The following CDH23 variants were observed in gnomAD, a reference collection of about 807,000 sequenced individuals.
CDH23 encodes the protein cadherin related 23.
A neutral mutation model predicts 317.1 loss-of-function variants in CDH23; 189 were observed. The observed-to-expected ratio is 0.60, with a 90% CI of 0.53 to 0.67. The LOEUF is 0.67. Ranked by LOEUF, CDH23 falls within the 30% of genes least tolerant of loss-of-function variation. The probability of loss-of-function intolerance (pLI) is 0.00; values close to 1 mark genes in which losing one functional copy is unlikely to be tolerated. For missense variants in CDH23, 4,401 were observed against 4,592.4 expected (o/e 0.96, Z 1.20); for synonymous variants, 1,839 against 1,876.8 (o/e 0.98, Z 0.52).
rs909705325 is a variant in CDH23 at position 71,645,930 on chromosome 10, C to T, written c.1240C>T (p.Arg414Trp). ...SVQGKADIRI[R>W]VAIPLDYETV... ...CCAGGGGAAGGCGGACATTCGTATT[C>T]GGGTGGCCATCCCACTGGACTACGA... The change falls in exon 13 of 70, where the codon CGG becomes TGG. Residue 414 changes from arginine to tryptophan, a missense_variant. This residue lies in a region of CDH23 where 3,068 missense variants were observed against 3,203.3 expected (regional missense o/e 0.96). Coordinates refer to ENST00000224721, the MANE Select transcript of CDH23 (RefSeq NM_022124.6). The T allele has an allele frequency of 6.2e-6, 10 of 1,613,492 alleles. No individual in the cohort carries two copies. Among genetic ancestry groups the T allele is most frequent in the Middle Eastern group, 1.6e-4 (1 of 6,084 alleles).
rs373046094 is a variant in CDH23 at position 71,777,781 on chromosome 10, G to A, written c.4947G>A (p.Thr1649=). ...TGCTGCTGGATGAGGGCCCAGACAC[G>A]CTCAACACCAGCCTCATCACCATCC... ...YEVLLDEGPD[T]LNTSLITIQA... is the part of the protein sequence containing the mutation. Residue 1649 remains threonine, a synonymous_variant, in exon 39 of 70, where the codon ACG becomes ACA. Transcript: ENST00000224721. The A allele has an allele frequency of 6.8e-4, 1,096 of 1,613,832 alleles. 1 individual carries two copies. Among genetic ancestry groups the A allele is most frequent in the Non-Finnish European group, 7.8e-4 (920 of 1,179,842 alleles).
At chr10:71,468,222 A>G (rs778502927) in intron 3 of CDH23, among the ~76,000 whole-genome samples, 1 of 152,208 alleles carries the variant, frequency 6.6e-6, no homozygotes, top group Non-Finnish European at 1.5e-5. Context: ...AGGAAAGAGT[A>G]TGAAAAGACA....
At chr10:71,652,055 C>T (rs75852488) in intron 14 of CDH23, among the ~76,000 whole-genome samples, 152 of 152,352 alleles carry the variant, frequency 1.0e-3, no homozygotes, top group African/African-American at 3.6e-3. Context: ...TCAGACAAGA[C>T]AGGCTTCTTC....
In CDH23 at chr10:71,413,593, AC is replaced by A. The variant is rs1230666141; in HGVS notation, c.-6+16276del. Reference sequence around the variant, plus strand: ...GGCAGTAGTGTATCTGAACAATAGTACTATCTTAACAATATTAAATATGGTA... The same window carrying A: ...GGCAGTAGTGTATCTGAACAATAGTATATCTTAACAATATTAAATATGGTA... On this transcript the variant is annotated intron_variant, in intron 1 of 69. Transcript: ENST00000224721. 2.0e-5 allele frequency among the ~76,000 whole-genome samples: 3 copies of A among 152,342 alleles called. No individual in the cohort carries two copies. The East Asian group carries it at 5.8e-4, about 29-fold the overall frequency.
At chr10:71,565,498 G>A (rs772045320) in intron 6 of CDH23, among the ~76,000 whole-genome samples, 4 of 152,308 alleles carry the variant, frequency 2.6e-5, no homozygotes, top group African/African-American at 4.8e-5. Context: ...TTGAGAGCCC[G>A]GGGATTGGGG....
rs111033489 is a variant in CDH23 at position 71,791,278 on chromosome 10, C to T, written c.6196C>T (p.Arg2066Trp). 2.0e-5 allele frequency: 32 copies of T among 1,613,772 alleles called. 1 individual carries two copies. The highest frequency in any genetic ancestry group is 1.1e-4 in the South Asian group (10 of 91,040). ...LITILDDNDN[R>W]PTFSPATLTV... ...CACCATCCTGGATGACAATGACAAC[C>T]GGCCCACCTTTAGCCCTGCCACCCT... The change falls in exon 47 of 70, where the codon CGG becomes TGG. Residue 2066 changes from arginine to tryptophan, a missense_variant. Coordinates refer to ENST00000224721, the MANE Select transcript of CDH23 (RefSeq NM_022124.6).
rs139185899 is a variant in CDH23, at chr10:71,477,719, T to C, written c.145+31324T>C. On this transcript the variant is annotated intron_variant, in intron 3 of 69. Coordinates refer to ENST00000224721, the MANE Select transcript of CDH23 (RefSeq NM_022124.6). ...CTTCTCCCTCTCATCCAACATTCAGTTCGTTGCCTAAGCCAGAGCTTTGTA... is the reference window on the plus strand; with the variant it reads ...CTTCTCCCTCTCATCCAACATTCAGCTCGTTGCCTAAGCCAGAGCTTTGTA... Among the ~76,000 whole-genome samples the C allele has an allele frequency of 3.1e-3, 479 of 152,332 alleles. 4 individuals carry two copies. The highest frequency in any genetic ancestry group is 0.011 in the African/African-American group (453 of 41,570).
intron 30 of CDH23, among the ~76,000 whole-genome samples, chr10:71,730,010 A>G (rs1401408469): frequency 1.3e-5 from 2 of 151,424 alleles, no homozygotes; most frequent in South Asian, 2.1e-4. Flanking sequence ...AATTTTTTGT[A>G]TTTTTAGTAG....
In CDH23 at chr10:71,545,892, AC is replaced by A. The variant is rs539010835; in HGVS notation, c.430-20845del. The stretch of plus-strand genomic sequence containing the variant: ...AGAGGACAGAGTGATTGCAGAGGCC[AC>A]CCCCACCCCCCAGGGAGTGACGGGC... On this transcript the variant is annotated intron_variant, in intron 6 of 69. Coordinates refer to ENST00000224721, the MANE Select transcript of CDH23 (RefSeq NM_022124.6). 1.6e-4 allele frequency among the ~76,000 whole-genome samples: 25 copies of A among 151,976 alleles called. 2 individuals carry two copies. In the South Asian group the frequency reaches 5.0e-3, roughly 30 times the overall value.
In CDH23 at chr10:71,815,212, A is replaced by G. The variant is rs771574298; in HGVS notation, c.9999A>G (p.Lys3333=). 6 of 1,605,184 alleles carry G rather than the reference A, an allele frequency of 3.7e-6. No homozygotes were observed. The African/African-American group carries it at 8.0e-5, about 21-fold the overall frequency. ...GCAACGCCCGCACAGAATCCGCCAA[A>G]TCCACACCCCTGCACAAACTTCGCG... ...FERNARTESA[K]STPLHKLRDV... The change falls in exon 70 of 70, where the codon AAA becomes AAG. Residue 3333 remains lysine (K), a synonymous_variant. Coordinates refer to ENST00000224721, the MANE Select transcript of CDH23 (RefSeq NM_022124.6).
rs1200729122 is a variant in CDH23, at chr10:71,702,207, T to C, written c.2583T>C (p.Thr861=). 1 of 1,613,686 alleles carries C rather than the reference T, an allele frequency of 6.2e-7. No individual in the cohort carries two copies. Among genetic ancestry groups the C allele is most frequent in the Admixed American group, 1.7e-5 (1 of 60,022 alleles). The change falls in exon 23 of 70, where the codon ACT becomes ACC. Residue 861 remains threonine, a synonymous_variant. Coordinates refer to ENST00000224721, the MANE Select transcript of CDH23 (RefSeq NM_022124.6). Reference sequence around the variant, plus strand: ...TGCGCAAAATCGTCGTCTCTGTTACTGACTGTATGGACCCCTCTCGCCCCT... The same window carrying C: ...TGCGCAAAATCGTCGTCTCTGTTACCGACTGTATGGACCCCTCTCGCCCCT... The part of the protein sequence containing the change: ...ELMRKIVVSV[T]DCGRPPLKAT...
At chr10:71,624,881 C>A (rs947041548) in intron 11 of CDH23, among the ~76,000 whole-genome samples, 1 of 152,056 alleles carries the variant, frequency 6.6e-6, no homozygotes, top group African/African-American at 2.4e-5. Context: ...CTCAACCTTG[C>A]ACTTCTTGCA....
At position 71,790,300 on chromosome 10, in the gene CDH23, C is replaced by T. The variant is rs770176407; in HGVS notation, c.5936C>T (p.Thr1979Met). The T allele has an allele frequency of 5.0e-5, 80 of 1,613,692 alleles. 1 individual carries two copies. The highest frequency in any genetic ancestry group is 1.1e-4 in the South Asian group (10 of 91,086). ...CCTTCTGGCCCAGGCACCCCTCTCA[C>T]GGTGCTCAATGGGCCCATCCTGGCC... is the stretch of plus-strand genomic sequence containing the variant. ...MENSPAGTPL[T>M]VLNGPILALD... is the part of the protein sequence containing the mutation. The change falls in exon 46 of 70, where the codon ACG becomes ATG. Residue 1979 changes from threonine to methionine, a missense_variant. Thr to Met is a moderately conservative substitution (Grantham distance 81). Transcript: ENST00000224721.
chr10:71,747,469 C>T (rs1451920089), intron 38 of CDH23: 1 of 152,374 alleles, frequency 6.6e-6, no homozygotes, highest in Non-Finnish European at 1.5e-5. Flanking sequence ...CTTGTATGTG[C>T]TCTAAGCAAG....
intron 1 of CDH23, among the ~76,000 whole-genome samples, chr10:71,419,712 G>C (rs572051615): frequency 1.3e-5 from 2 of 152,018 alleles, no homozygotes; most frequent in Non-Finnish European, 2.9e-5. Context: ...CCATTGTTTT[G>C]GATGCATTTC....
At chr10:71,720,764 T>C (rs928187577) in intron 28 of CDH23, among the ~76,000 whole-genome samples, 6 of 152,202 alleles carry the variant, frequency 3.9e-5, no homozygotes, top group Admixed American at 3.9e-4. Context: ...TCAGGGGTCA[T>C]CTAACTCCTC....
At chr10:71,783,193 C>T (rs577910413) in intron 41 of CDH23, among the ~76,000 whole-genome samples, 1 of 152,346 alleles carries the variant, frequency 6.6e-6, no homozygotes, top group Non-Finnish European at 1.5e-5. Context: ...TCTGCAGGCT[C>T]TCCCAGTTCC....
intron 41 of CDH23, among the ~76,000 whole-genome samples, chr10:71,781,771 G>C (rs1051227055): frequency 1.3e-5 from 2 of 152,176 alleles, no homozygotes; most frequent in Admixed American, 6.5e-5. Context: ...CCTCCCCCAA[G>C]GAAGGAAGAG....
intron 3 of CDH23, among the ~76,000 whole-genome samples, chr10:71,455,185 C>T (rs547998763): frequency 2.6e-5 from 4 of 152,238 alleles, no homozygotes; most frequent in Non-Finnish European, 4.4e-5. Flanking sequence ...TAATTTTAGA[C>T]TTACGGAAAA....
Sources: gnomAD v4.1 joint callset for allele counts (sites outside exome capture counted in the v4.1 genomes callset) on GRCh38, gnomAD v4.1.1 for gene constraint, gnomAD v4.1.1 regional missense constraint, MANE v1.5 for transcripts, NCBI Gene and HGNC (gene_info 2026-07-23, HGNC 2026-07-21) for gene names.